CSGALNACT1: variants seen among roughly 807,000 people sequenced by gnomAD.
The protein encoded by CSGALNACT1 is beta4GalNAcT-1.
In CSGALNACT1, 52 loss-of-function variants were observed where a neutral mutation model predicts 51.0. The observed-to-expected ratio is 1.02, with a 90% confidence interval of 0.82 to 1.29. The LOEUF (loss-of-function observed/expected upper bound fraction) is 1.29, where lower values mean the gene tolerates loss of function less well. Among genes scored for constraint, CSGALNACT1 ranks in the 50% most tolerant of loss-of-function variants. The pLI, the probability that CSGALNACT1 is intolerant of heterozygous loss-of-function variation, is 0.00. For missense variants in CSGALNACT1, 935 were observed against 679.2 expected (o/e 1.38, Z -4.19); for synonymous variants, 341 against 254.4 (o/e 1.34, Z -3.24).
At chr8:19,720,605 C>A (rs968797976) in intron 1 of CSGALNACT1, among the ~76,000 whole-genome samples, 2 of 152,174 alleles carry the variant, frequency 1.3e-5, no homozygotes, top group African/African-American at 4.8e-5. Flanking sequence ...CTTCCCCGGA[C>A]AGGGCTAAGG....
intron 3 of CSGALNACT1, chr8:19,531,738 G>A (rs12114968): frequency 0.44 from 67,138 of 152,076 alleles, 16,189 homozygotes; most frequent in African/African-American, 0.66. Flanking sequence ...TTTGTTGTTT[G>A]CAAGCAAATT....
intron 2 of CSGALNACT1, among the ~76,000 whole-genome samples, chr8:19,594,860 T>C (rs2048573655): frequency 6.6e-6 from 1 of 152,170 alleles, no homozygotes; most frequent in Non-Finnish European, 1.5e-5. Flanking sequence ...ACTTTAATTT[T>C]AATTCAATCC....
At chr8:19,739,986 C>T (rs1589774806) in intron 1 of CSGALNACT1, among the ~76,000 whole-genome samples, 2 of 152,318 alleles carry the variant, frequency 1.3e-5, no homozygotes, top group East Asian at 3.9e-4. Flanking sequence ...CTTATGGGTA[C>T]TTTTGTAGGT....
intron 1 of CSGALNACT1, among the ~76,000 whole-genome samples, chr8:19,743,476 T>C (rs1236005744): frequency 6.6e-6 from 1 of 152,226 alleles, no homozygotes; most frequent in Non-Finnish European, 1.5e-5. Context: ...GAGTGAGTCA[T>C]AATCTTACTT....
intron 3 of CSGALNACT1, among the ~76,000 whole-genome samples, chr8:19,578,730 CCTCAGTCTGA>C (rs1200128593): frequency 3.3e-5 from 5 of 152,174 alleles, no homozygotes; most frequent in Admixed American, 2.6e-4. Context: ...TCTCCCGATT[CCTCAGTCTGA>C]CTCAGTCTGA....
chr8:19,529,845 C>G (rs1401220225), intron 3 of CSGALNACT1, among the ~76,000 whole-genome samples: 1 of 152,132 alleles, frequency 6.6e-6, no homozygotes, highest in African/African-American at 2.4e-5. Flanking sequence ...TTATAATAAC[C>G]TAACACAATG....
At chr8:19,468,901 G>C (rs536082174) in intron 4 of CSGALNACT1, among the ~76,000 whole-genome samples, 1 of 152,284 alleles carries the variant, frequency 6.6e-6, no homozygotes, top group South Asian at 2.1e-4. Flanking sequence ...AGAAGAATGA[G>C]CTCAGGATGC....
At chr8:19,552,173 T>C (rs2088288279) in intron 3 of CSGALNACT1, among the ~76,000 whole-genome samples, 1 of 152,164 alleles carries the variant, frequency 6.6e-6, no homozygotes, top group Admixed American at 6.5e-5. Context: ...AGAAGACTAA[T>C]GAGGGATTTA....
chr8:19,538,094 G>A (rs2084186885), intron 3 of CSGALNACT1, among the ~76,000 whole-genome samples: 1 of 152,106 alleles, frequency 6.6e-6, no homozygotes, highest in Non-Finnish European at 1.5e-5. Flanking sequence ...GAGGCAGGAG[G>A]ATGCTTGAGG....
intron 1 of CSGALNACT1, among the ~76,000 whole-genome samples, chr8:19,732,262 A>G (rs554584251): frequency 2.6e-5 from 4 of 152,322 alleles, no homozygotes; most frequent in African/African-American, 9.6e-5. Flanking sequence ...CAAAAACACT[A>G]TTTTTAATTT....
chr8:19,553,787 AAG>A (rs1351610721), intron 3 of CSGALNACT1, among the ~76,000 whole-genome samples: 1 of 151,620 alleles, frequency 6.6e-6, no homozygotes, highest in East Asian at 1.9e-4. Flanking sequence ...CAAAGGAAAT[AAG>A]AGGTTTCTGA....
intron 5 of CSGALNACT1, among the ~76,000 whole-genome samples, chr8:19,448,508 A>C (rs540559735): frequency 6.6e-6 from 1 of 152,316 alleles, no homozygotes; most frequent in African/African-American, 2.4e-5. Flanking sequence ...CAGACAACTA[A>C]AGAGCCATAA....
chr8:19,459,772 A>G (rs1324867071), intron 4 of CSGALNACT1, among the ~76,000 whole-genome samples: 1 of 152,232 alleles, frequency 6.6e-6, no homozygotes, highest in Non-Finnish European at 1.5e-5. Context: ...AAGTTAGAAC[A>G]GTACAAGGCA....
At chr8:19,713,892 G>T (rs577530216) in intron 1 of CSGALNACT1, among the ~76,000 whole-genome samples, 2 of 152,254 alleles carry the variant, frequency 1.3e-5, no homozygotes, top group East Asian at 3.8e-4. Context: ...GGAAGAAAGA[G>T]AGAAGCCAAG....
At chr8:19,444,728 A>T (rs941152349) in intron 5 of CSGALNACT1, among the ~76,000 whole-genome samples, 2 of 152,226 alleles carry the variant, frequency 1.3e-5, no homozygotes, top group African/African-American at 4.8e-5. Flanking sequence ...GCAATAGAAG[A>T]CACGGTTCTT....
chr8:19,523,028 A>G (rs968963592), intron 3 of CSGALNACT1, among the ~76,000 whole-genome samples: 2 of 152,164 alleles, frequency 1.3e-5, no homozygotes, highest in Non-Finnish European at 2.9e-5. Flanking sequence ...TTGGAATATG[A>G]TCCTTTTGAA....
chr8:19,512,501 C>A lies in CSGALNACT1; in HGVS notation c.-296-6371G>T, dbSNP rs574498958. ...CAGATAGATAACTAATTCACAGGGT[C>A]ACAGACTTCAGATTTACATAAAAAT... On this transcript the variant is annotated intron_variant, in intron 3 of 9. Coordinates refer to ENST00000454498, the Ensembl canonical transcript of CSGALNACT1. Among the ~76,000 whole-genome samples, 4 of 152,300 alleles carry A rather than the reference C, an allele frequency of 2.6e-5. No homozygotes were observed. The South Asian group carries it at 6.2e-4, about 24-fold the overall frequency.
At chr8:19,550,222 G>T (rs1041494358) in intron 3 of CSGALNACT1, among the ~76,000 whole-genome samples, 6 of 152,128 alleles carry the variant, frequency 3.9e-5, no homozygotes, top group African/African-American at 9.7e-5. Flanking sequence ...CTGAGCTCAA[G>T]CAATTCTCCC....
At chr8:19,565,641 G>A (rs559664675) in intron 3 of CSGALNACT1, among the ~76,000 whole-genome samples, 7 of 152,132 alleles carry the variant, frequency 4.6e-5, no homozygotes, top group East Asian at 1.9e-4. Flanking sequence ...ACTTCAGGCC[G>A]GGCACAGTGG....
Sources: allele counts gnomAD v4.1 joint callset (sites outside exome capture counted in the v4.1 genomes callset), GRCh38; gene constraint gnomAD v4.1.1; transcripts MANE v1.5; gene names NCBI Gene and HGNC (gene_info 2026-07-23, HGNC 2026-07-21).